The following PPHLN1 variants were observed in gnomAD, a reference collection of about 807,000 sequenced individuals.
PPHLN1 encodes the protein periphilin 1, also known as periphilin-1.
In PPHLN1, 29 loss-of-function variants were observed where a neutral mutation model predicts 51.3. The observed-to-expected ratio is 0.57, with a 90% confidence interval of 0.42 to 0.77. PPHLN1 has a LOEUF of 0.77. PPHLN1 is among the 30% of genes least tolerant of loss of function. The pLI is 0.00. For synonymous variants in PPHLN1, 147 were observed against 147.8 expected (o/e 0.99, Z 0.04); for missense variants, 436 against 438.4 (o/e 0.99, Z 0.05).
At chr12:42,446,070 C>CGCAGCCCCCGCAGGCCCCGCAGCCCCT (rs776506376), downstream of PPHLN1, 1 of 1,547,078 alleles carries the variant, frequency 6.5e-7, no homozygotes, top group South Asian at 1.2e-5. Flanking sequence ...CTGCAGGCCC[C>CGCAGCCCCCGCAGGCCCCGCAGCCCCT]GCAGCCCCCG....
rs1460922699 is a variant in PPHLN1, at chr12:42,383,074, A to G, written c.512-1866A>G. ...TGGGTAGTTTTACTAGTCTATTAGA[A>G]GATTGTTAAATAGTCCAAGCCTACC... On this transcript the variant is annotated intron_variant, in intron 5 of 9. Coordinates refer to ENST00000358314, the MANE Select transcript of PPHLN1 (RefSeq NM_201439.2). 2.6e-5 allele frequency among the ~76,000 whole-genome samples: 4 copies of G among 152,232 alleles called. No individual in the cohort carries two copies. The East Asian group carries it at 7.7e-4, about 29-fold the overall frequency.
At chr12:42,372,268 G>C (rs1330360020) in intron 4 of PPHLN1, among the ~76,000 whole-genome samples, 1 of 152,182 alleles carries the variant, frequency 6.6e-6, no homozygotes, top group Non-Finnish European at 1.5e-5. Context: ...AAGGGGAGAA[G>C]AGACATTATT....
chr12:42,403,557 A>G (rs2079023747), intron 9 of PPHLN1, among the ~76,000 whole-genome samples: 1 of 152,212 alleles, frequency 6.6e-6, no homozygotes, highest in Non-Finnish European at 1.5e-5. Context: ...TCTTAAAGGT[A>G]ATTTAGTTAT....
At chr12:42,371,721 C>A (rs567651007) in intron 4 of PPHLN1, among the ~76,000 whole-genome samples, 18 of 152,244 alleles carry the variant, frequency 1.2e-4, no homozygotes, top group Admixed American at 1.1e-3. Flanking sequence ...GCATAAAATG[C>A]ACACTGGATT....
intron 9 of PPHLN1, chr12:42,399,476 A>G: frequency 1.1e-6 from 1 of 902,852 alleles, no homozygotes; most frequent in Non-Finnish European, 1.3e-6. Context: ...TTAATGTGCA[A>G]CTATTATGGG....
chr12:42,421,996 A>G (rs982670752), intron 9 of PPHLN1, among the ~76,000 whole-genome samples: 6 of 152,206 alleles, frequency 3.9e-5, no homozygotes, highest in Non-Finnish European at 5.9e-5. Context: ...CTGTGCTGTG[A>G]TGTAACAGTG....
intron 4 of PPHLN1, among the ~76,000 whole-genome samples, chr12:42,360,930 G>C (rs1238971324): frequency 6.6e-6 from 1 of 152,106 alleles, no homozygotes; most frequent in Non-Finnish European, 1.5e-5. Context: ...AAATTGCTTT[G>C]TGTGGAGATA....
intron 9 of PPHLN1, among the ~76,000 whole-genome samples, chr12:42,403,266 A>G (rs571522035): frequency 2.0e-5 from 3 of 152,318 alleles, no homozygotes; most frequent in Non-Finnish European, 2.9e-5. Context: ...GTATTTAACA[A>G]TCCATTATTA....
At chr12:42,392,415 C>T (rs1407427900) in intron 7 of PPHLN1, among the ~76,000 whole-genome samples, 2 of 152,076 alleles carry the variant, frequency 1.3e-5, no homozygotes, top group African/African-American at 4.8e-5. Flanking sequence ...GGTAGTGCCC[C>T]ATAAGTTCAG....
chr12:42,402,494 CTA>C (rs1432133157), intron 9 of PPHLN1, among the ~76,000 whole-genome samples: 1 of 152,120 alleles, frequency 6.6e-6, no homozygotes, highest in Non-Finnish European at 1.5e-5. Flanking sequence ...ATTTGTGCGA[CTA>C]TATGGGCTAC....
At chr12:42,357,053 A>G (rs2074121825) in intron 4 of PPHLN1, among the ~76,000 whole-genome samples, 9 of 152,202 alleles carry the variant, frequency 5.9e-5, no homozygotes, top group African/African-American at 2.4e-5. Context: ...GTAATGAGTG[A>G]TAGGAATAAA....
intron 9 of PPHLN1, among the ~76,000 whole-genome samples, chr12:42,439,076 T>C (rs1034838746): frequency 7.2e-5 from 11 of 152,346 alleles, no homozygotes; most frequent in Non-Finnish European, 1.3e-4. Context: ...GGGTTTTTCT[T>C]GGATTGTCTT....
At chr12:42,446,285 C>A (rs2083317717), downstream of PPHLN1, 1 of 1,588,604 alleles carries the variant, frequency 6.3e-7, no homozygotes, top group African/African-American at 1.3e-5. Context: ...TTGCAACTCA[C>A]GCAAGGTATT....
At chr12:42,448,548 C>T (rs2083390747), downstream of PPHLN1, 1 of 152,080 alleles carries the variant, frequency 6.6e-6, no homozygotes, top group East Asian at 1.9e-4. Flanking sequence ...CCTTGGTTAT[C>T]AACAGGTGGA....
chr12:42,398,347 A>G (rs1440677136), intron 8 of PPHLN1, among the ~76,000 whole-genome samples: 1 of 152,126 alleles, frequency 6.6e-6, no homozygotes, highest in Non-Finnish European at 1.5e-5. Flanking sequence ...ATTCCCTTTA[A>G]ATATATTTCT....
At chr12:42,398,669 C>A in intron 8 of PPHLN1, 185 bp from the exon 9 acceptor site, 1 of 444,140 alleles carries the variant, frequency 2.3e-6, no homozygotes, top group Non-Finnish European at 3.8e-6. Flanking sequence ...AAGTAGCAGT[C>A]ATTTCTTCTT....
intron 8 of PPHLN1, among the ~76,000 whole-genome samples, chr12:42,393,964 G>GGCTTT (rs2077969500): frequency 6.6e-6 from 1 of 151,882 alleles, no homozygotes; most frequent in African/African-American, 2.4e-5. Context: ...TCTTTTAATG[G>GGCTTT]GCTTTGCTGT....
chr12:42,344,531 T>TG (rs993198853), intron 2 of PPHLN1, among the ~76,000 whole-genome samples: 1 of 152,008 alleles, frequency 6.6e-6, no homozygotes, highest in Admixed American at 6.6e-5. Context: ...TAAAAATGTT[T>TG]GGGGGGGATG....
intron 4 of PPHLN1, among the ~76,000 whole-genome samples, chr12:42,361,899 G>A (rs1330829883): frequency 1.3e-5 from 2 of 152,196 alleles, no homozygotes; most frequent in Non-Finnish European, 2.9e-5. Context: ...ATATGTAAGA[G>A]TGGAATTACT....
Sources: allele counts gnomAD v4.1 joint callset (sites outside exome capture counted in the v4.1 genomes callset), GRCh38; gene constraint gnomAD v4.1.1; transcripts MANE v1.5; gene names NCBI Gene and HGNC (gene_info 2026-07-23, HGNC 2026-07-21).